Variants in ALKAL1 observed in about 807,000 individuals in gnomAD.
ALKAL1 encodes ALK and LTK ligand 1.
A neutral mutation model predicts 13.5 loss-of-function variants in ALKAL1; 23 were observed. The ratio of observed to expected loss-of-function variants is 1.70; its 90% CI spans 1.23 to 2.41. The LOEUF (loss-of-function observed/expected upper bound fraction) is 2.41. Ranked by LOEUF, ALKAL1 falls within the 30% of genes most tolerant of loss-of-function variation. The pLI is 0.00. For missense variants in ALKAL1, 181 were observed against 178.4 expected, an observed-to-expected ratio of 1.01 and a Z score of -0.08; for synonymous variants, 85 against 77.7, an observed-to-expected ratio of 1.09 and a Z score of -0.49.
intron 4 of ALKAL1, among the ~76,000 whole-genome samples, chr8:52,537,099 T>A (rs986017388): frequency 6.6e-6 from 1 of 152,034 alleles, no homozygotes; most frequent in African/African-American, 2.4e-5. Context: ...GGGACTAATA[T>A]CCAGAGTATA....
chr8:52,552,294 C>T (rs1847437916), intron 1 of ALKAL1, among the ~76,000 whole-genome samples: 1 of 152,116 alleles, frequency 6.6e-6, no homozygotes, highest in African/African-American at 2.4e-5. Flanking sequence ...TCATCACATC[C>T]TGTGAAGGGT....
chr8:52,552,052 C>T (rs1420414411), intron 1 of ALKAL1, among the ~76,000 whole-genome samples: 2 of 152,076 alleles, frequency 1.3e-5, no homozygotes, highest in African/African-American at 4.8e-5. Context: ...CCTTGATGTC[C>T]TTTTTTGTCC....
Position 52,539,812 on chromosome 8 carries a change from A to C in ALKAL1, c.325+19T>G, listed in dbSNP as rs1269564975. 3.2e-6 allele frequency: 5 copies of C among 1,560,278 alleles called. No homozygotes were observed. The highest frequency in any genetic ancestry group is 4.0e-5 in the Admixed American group (2 of 49,972). On this transcript the variant is annotated intron_variant, in intron 3 of 4. Transcript: ENST00000358543. ...TTGTTGGATAATTAAAAAAAAAAAA[A>C]CCCACCCAAGTTACTTACAAGCTGG... is the stretch of plus-strand genomic sequence containing the variant.
chr8:52,556,859 T>G (rs1334104503), intron 1 of ALKAL1, among the ~76,000 whole-genome samples: 1 of 152,146 alleles, frequency 6.6e-6, no homozygotes, highest in Non-Finnish European at 1.5e-5. Context: ...AAGAATTCTT[T>G]AAGGTGTGGC....
At chr8:52,555,173 A>G (rs1432660483) in intron 1 of ALKAL1, among the ~76,000 whole-genome samples, 4 of 138,862 alleles carry the variant, frequency 2.9e-5, no homozygotes, top group South Asian at 4.6e-4. Flanking sequence ...TCTGTCTCAG[A>G]AAAAAAAAAA....
intron 1 of ALKAL1, among the ~76,000 whole-genome samples, chr8:52,543,379 A>G (rs913308655): frequency 3.9e-5 from 6 of 152,214 alleles, no homozygotes; most frequent in Admixed American, 3.3e-4. Flanking sequence ...GTGGTGACTG[A>G]GGCTTGGTAA....
chr8:52,540,186 G>A (rs974981351), intron 2 of ALKAL1, among the ~76,000 whole-genome samples: 2 of 152,110 alleles, frequency 1.3e-5, no homozygotes, highest in Non-Finnish European at 2.9e-5. Flanking sequence ...GAAGGAAAAA[G>A]CTCTGGACAG....
At chr8:52,549,965 T>C (rs1034151302) in intron 1 of ALKAL1, among the ~76,000 whole-genome samples, 2 of 152,064 alleles carry the variant, frequency 1.3e-5, no homozygotes, top group Non-Finnish European at 2.9e-5. Flanking sequence ...TACATAAAAA[T>C]ACTAAATTAA....
chr8:52,563,920 C>G (rs1847575319), intron 1 of ALKAL1, among the ~76,000 whole-genome samples: 1 of 152,248 alleles, frequency 6.6e-6, no homozygotes. Flanking sequence ...ACACTGCTGT[C>G]TGCTCCTCTG....
Position 52,565,368 on chromosome 8 carries a change from G to T in ALKAL1, c.-112C>A. On this transcript the variant is annotated 5_prime_UTR_variant, in exon 1 of 5. Transcript: ENST00000358543. ...GGGACCACAGCGCGGCTACGCGGCC[G>T]GCCGCAGTCTTCACCGCGCGCCTGC... The T allele has an allele frequency of 1.1e-6, 1 of 882,896 alleles. No homozygotes were observed. The highest frequency in any genetic ancestry group is 1.5e-6 in the Non-Finnish European group (1 of 657,178). 54.7% of individuals were successfully genotyped at this position (882,896 alleles called of 1,614,324 possible). A position where few individuals can be genotyped will look rare whatever the true frequency, so the allele number is the denominator to read the frequency against.
chr8:52,560,738 C>T (rs1391122167), intron 1 of ALKAL1, among the ~76,000 whole-genome samples: 1 of 151,796 alleles, frequency 6.6e-6, no homozygotes, highest in Non-Finnish European at 1.5e-5. Flanking sequence ...TGGGCAGAAA[C>T]TCATTCCTCT....
intron 1 of ALKAL1, among the ~76,000 whole-genome samples, chr8:52,547,567 G>A (rs989303075): frequency 6.6e-6 from 1 of 152,152 alleles, no homozygotes; most frequent in African/African-American, 2.4e-5. Flanking sequence ...AATGAAACTA[G>A]TTGATTTCTC....
intron 1 of ALKAL1, among the ~76,000 whole-genome samples, chr8:52,557,926 A>T (rs533554050): frequency 2.3e-4 from 34 of 150,710 alleles, no homozygotes; most frequent in Non-Finnish European, 3.8e-4. Flanking sequence ...AGATTGAACC[A>T]CTGCACTCCA....
At chr8:52,540,109 C>T (rs537257784) in intron 2 of ALKAL1, among the ~76,000 whole-genome samples, 198 bp from the exon 3 acceptor site, 2 of 152,168 alleles carry the variant, frequency 1.3e-5, no homozygotes, top group Non-Finnish European at 2.9e-5. Flanking sequence ...AATCTAAATT[C>T]ATTCCATGTT....
rs531661728 is a variant in ALKAL1 at position 52,551,768 on chromosome 8, C to A, written c.191-9323G>T. ...TTCTGTGACAAATAGCTTTAAAAGG[C>A]AGTATTTATATCCTAAAACTAAAAC... On this transcript the variant is annotated intron_variant, in intron 1 of 4. Transcript: ENST00000358543. Among the ~76,000 whole-genome samples the A allele has an allele frequency of 1.2e-3, 177 of 152,106 alleles. 1 individual carries two copies. Among genetic ancestry groups the A allele is most frequent in the African/African-American group, 4.1e-3 (172 of 41,498 alleles).
rs1847296746 is a variant in ALKAL1 at position 52,539,920 on chromosome 8, C to T, written c.245-9G>A. On this transcript the variant is annotated splice_polypyrimidine_tract_variant and intron_variant, in intron 2 of 4. Transcript: ENST00000358543. ...TGAAAATGTGACCGGCCCTAGAGCA[C>T]AGGAAAAGAATGCTTATTATAAACA... is the stretch of plus-strand genomic sequence containing the variant. The T allele has an allele frequency of 1.9e-6, 3 of 1,604,176 alleles. No individual in the cohort carries two copies. The highest frequency in any genetic ancestry group is 2.5e-6 in the Non-Finnish European group (3 of 1,176,696).
chr8:52,544,765 A>T (rs1409829196), intron 1 of ALKAL1, among the ~76,000 whole-genome samples: 1 of 152,170 alleles, frequency 6.6e-6, no homozygotes, highest in Non-Finnish European at 1.5e-5. Flanking sequence ...CCACCAAAAA[A>T]AAAGGGCAAC....
At chr8:52,540,529 C>T (rs1847303043) in intron 2 of ALKAL1, among the ~76,000 whole-genome samples, 1 of 152,000 alleles carries the variant, frequency 6.6e-6, no homozygotes, top group African/African-American at 2.4e-5. Context: ...AGTTCAAGAA[C>T]AGCCTAAGCA....
chr8:52,536,761 C>A (rs975789562), intron 4 of ALKAL1, among the ~76,000 whole-genome samples: 2 of 152,056 alleles, frequency 1.3e-5, no homozygotes, highest in Non-Finnish European at 2.9e-5. Flanking sequence ...TGCCTATCTG[C>A]GTAATGTTTC....
Sources: gnomAD v4.1 joint callset for allele counts (sites outside exome capture counted in the v4.1 genomes callset) on GRCh38, gnomAD v4.1.1 for gene constraint, MANE v1.5 for transcripts, NCBI Gene and HGNC (gene_info 2026-07-23, HGNC 2026-07-21) for gene names.